The following NHS variants were observed in gnomAD, a reference collection of about 807,000 sequenced individuals.
NHS encodes the protein actin remodeling regulator NHS.
In NHS, 5 loss-of-function variants were observed where a neutral mutation model predicts 72.5. That is an observed-to-expected ratio of 0.07 (90% CI 0.04 to 0.14). The LOEUF (loss-of-function observed/expected upper bound fraction) is 0.14, where lower values mean the gene tolerates loss of function less well. NHS is among the 10% of genes least tolerant of loss of function. The pLI is 1.00. For synonymous variants in NHS, 464 were observed against 547.7 expected (o/e 0.85, Z 2.13); for missense variants, 1,072 against 1,355.7 (o/e 0.79, Z 3.29).
chrX:17,628,753 T>A (rs1311329860), intron 1 of NHS, among the ~76,000 whole-genome samples: 2 of 113,329 alleles, frequency 1.8e-5, no homozygotes, highest in Non-Finnish European at 3.7e-5. Flanking sequence ...CCACCTCCAA[T>A]GCCTTGGGCA....
intron 1 of NHS, among the ~76,000 whole-genome samples, chrX:17,504,777 A>G (rs1470839041): frequency 8.9e-6 from 1 of 112,228 alleles, no homozygotes; most frequent in Non-Finnish European, 1.9e-5. Context: ...GCCCACTTGC[A>G]AAAAGGGTTT....
At chrX:17,465,492 T>C (rs2064867063) in intron 1 of NHS, among the ~76,000 whole-genome samples, 1 of 110,619 alleles carries the variant, frequency 9.0e-6, no homozygotes, top group Non-Finnish European at 1.9e-5. Flanking sequence ...ATATTTATAA[T>C]GGTATTTGTG....
At chrX:17,584,238 G>A (rs1015321354) in intron 1 of NHS, among the ~76,000 whole-genome samples, 25 of 111,568 alleles carry the variant, frequency 2.2e-4, no homozygotes, top group Non-Finnish European at 4.0e-4. Context: ...AACTTCCTCT[G>A]GGTTTCGACT....
At chrX:17,625,846 C>T (rs1418615718) in intron 1 of NHS, among the ~76,000 whole-genome samples, 1 of 111,520 alleles carries the variant, frequency 9.0e-6, no homozygotes, top group Non-Finnish European at 1.9e-5. Flanking sequence ...AGCTTACGTT[C>T]TTTTTTATAC....
rs1163999229 is a variant in NHS at position 17,727,772 on chromosome X, T to C, written c.3666T>C (p.Thr1222=). 7 of 1,211,746 alleles carry C rather than the reference T, an allele frequency of 5.8e-6. No individual in the cohort carries two copies. The Admixed American group carries it at 1.3e-4, about 23-fold the overall frequency. Residue 1222 remains threonine, a synonymous_variant, in exon 7 of 9, where the codon ACT becomes ACC. Coordinates refer to ENST00000676302, the MANE Select transcript of NHS (RefSeq NM_001291867.2). ...AACTACATTTAGAAAAAAACTCTAC[T>C]TTTGATGTGAAGAATCGCTGCGATC... ...PDKLHLEKNS[T]FDVKNRCDPE...
Position 17,452,418 on chromosome X carries a change from C to T in NHS, c.565+76096C>T, listed in dbSNP as rs181138141. Among the ~76,000 whole-genome samples the T allele has an allele frequency of 5.5e-3, 616 of 111,150 alleles. 3 individuals are homozygous for T. Among genetic ancestry groups the T allele is most frequent in the African/African-American group, 0.019 (568 of 30,579 alleles). On this transcript the variant is annotated intron_variant, in intron 1 of 8. Transcript: ENST00000676302. Reference sequence around the variant, plus strand: ...GGATAATCTAAATCTGGGGCCTCCCCGGTGACCCTGCAGTGGGGCCTATGG... The same window carrying T: ...GGATAATCTAAATCTGGGGCCTCCCTGGTGACCCTGCAGTGGGGCCTATGG...
chrX:17,376,124 G>T lies in NHS; in HGVS notation c.367G>T (p.Asp123Tyr), dbSNP rs2064345711. The change falls in exon 1 of 9, where the codon GAC becomes TAC. Residue 123 changes from aspartate to tyrosine, a missense_variant. By Grantham distance (160) the Asp-to-Tyr change is radical. Transcript: ENST00000676302. ...AAAAAVLLML[D>Y]LCAVSNAALA... ...GGCGGCGGCCGTGCTGCTCATGCTG[G>T]ACCTATGCGCGGTCAGCAACGCCGC... 3 of 1,173,031 alleles carry T rather than the reference G, an allele frequency of 2.6e-6. No individual in the cohort carries two copies.
chrX:17,525,058 C>G (rs1381574505), intron 1 of NHS, among the ~76,000 whole-genome samples: 2 of 112,287 alleles, frequency 1.8e-5, no homozygotes, highest in Non-Finnish European at 3.8e-5. Context: ...CTCTGACTGA[C>G]AGCTCTTTTG....
intron 3 of NHS, among the ~76,000 whole-genome samples, chrX:17,717,116 C>T (rs892003634): frequency 5.4e-5 from 6 of 110,625 alleles, no homozygotes; most frequent in Admixed American, 3.8e-4. Flanking sequence ...TACAGGCATG[C>T]GCCACCACGC....
intron 1 of NHS, among the ~76,000 whole-genome samples, chrX:17,518,839 T>G (rs913900523): frequency 8.9e-6 from 1 of 111,855 alleles, no homozygotes; most frequent in African/African-American, 3.3e-5. Flanking sequence ...GCTTGGATGA[T>G]TCTAACGCAA....
chrX:17,560,688 C>T (rs1466572501), intron 1 of NHS, among the ~76,000 whole-genome samples: 1 of 112,650 alleles, frequency 8.9e-6, no homozygotes, highest in Non-Finnish European at 1.9e-5. Context: ...TGCTAGAAAA[C>T]AGACTCTACT....
intron 1 of NHS, among the ~76,000 whole-genome samples, chrX:17,537,844 T>C (rs1001044089): frequency 9.0e-6 from 1 of 111,720 alleles, no homozygotes. Flanking sequence ...TAAGAGACAA[T>C]GCCCGACTGG....
intron 3 of NHS, among the ~76,000 whole-genome samples, chrX:17,696,576 C>T (rs1481535476): frequency 8.9e-6 from 1 of 112,206 alleles, no homozygotes; most frequent in Non-Finnish European, 1.9e-5. Context: ...TCTACACAGC[C>T]TTTCTTTGGT....
At chrX:17,723,770 T>TGTGTGTGTGTGTGCGCGCGC (rs541219770) in intron 5 of NHS, among the ~76,000 whole-genome samples, 1 of 91,337 alleles carries the variant, frequency 1.1e-5, no homozygotes, top group African/African-American at 5.1e-5. Flanking sequence ...TGTGTGTGTG[T>TGTGTGTGTGTGTGCGCGCGC]GCGCGCGCGT....
intron 1 of NHS, among the ~76,000 whole-genome samples, chrX:17,523,769 G>A (rs745895704): frequency 1.8e-5 from 2 of 111,894 alleles, no homozygotes; most frequent in South Asian, 7.5e-4. Flanking sequence ...AACAGTGCCG[G>A]CAAAAGAAAT....
intron 3 of NHS, among the ~76,000 whole-genome samples, chrX:17,716,395 C>A (rs2066364307): frequency 8.9e-6 from 1 of 112,034 alleles, no homozygotes. Flanking sequence ...GACACCAAAG[C>A]TTTTGGTTTC....
chrX:17,429,279 A>G, intron 1 of NHS, among the ~76,000 whole-genome samples: 1 of 110,048 alleles, frequency 9.1e-6, no homozygotes, highest in East Asian at 2.9e-4. Flanking sequence ...CGCGCGCTAT[A>G]CAGATCAAAC....
intron 1 of NHS, among the ~76,000 whole-genome samples, chrX:17,654,108 G>A (rs1294103931): frequency 1.8e-5 from 2 of 111,679 alleles, no homozygotes; most frequent in African/African-American, 6.5e-5. Flanking sequence ...ACCCCTCGGT[G>A]ACATTTGACA....
chrX:17,377,317 C>T (rs1440453418), intron 1 of NHS, among the ~76,000 whole-genome samples: 1 of 112,706 alleles, frequency 8.9e-6, no homozygotes, highest in Non-Finnish European at 1.9e-5. Context: ...ATCTCCCTTC[C>T]AAGGGCGGTC....
Sources: gnomAD v4.1 joint callset for allele counts (sites outside exome capture counted in the v4.1 genomes callset) on GRCh38, gnomAD v4.1.1 for gene constraint, MANE v1.5 for transcripts, NCBI Gene and HGNC (gene_info 2026-07-23, HGNC 2026-07-21) for gene names.